Variants in RARB observed in about 807,000 individuals in gnomAD.
RARB encodes the protein retinoic acid receptor beta.
Under a neutral mutation model 51.9 loss-of-function variants are expected in RARB, and 17 were observed. The observed-to-expected ratio is 0.33, with a 90% CI of 0.22 to 0.49. The LOEUF (loss-of-function observed/expected upper bound fraction) is 0.49. Among genes scored for constraint, RARB ranks in the 20% least tolerant of loss-of-function variants. The pLI, the probability that RARB is intolerant of heterozygous loss-of-function variation, is 0.99. For missense variants in RARB, 369 were observed against 550.8 expected (o/e 0.67, Z 3.30); for synonymous variants, 215 against 195.4 (o/e 1.10, Z -0.84).
intron 2 of RARB, among the ~76,000 whole-genome samples, chr3:24,899,417 T>C (rs934997515): frequency 6.6e-6 from 1 of 152,186 alleles, no homozygotes; most frequent in African/African-American, 2.4e-5. Context: ...TTCAGAAATG[T>C]ACCAGGCTGT....
chr3:24,848,281 G>C (rs1434395303), intron 1 of RARB, among the ~76,000 whole-genome samples: 2 of 152,142 alleles, frequency 1.3e-5, no homozygotes, highest in African/African-American at 4.8e-5. Flanking sequence ...GACTAGTCTT[G>C]AATTCCTGGG....
intron 3 of RARB, among the ~76,000 whole-genome samples, chr3:25,553,425 G>A (rs1489607540): frequency 6.6e-6 from 1 of 152,138 alleles, no homozygotes; most frequent in African/African-American, 2.4e-5. Flanking sequence ...CCAGCTATTT[G>A]TGAGGATCCC....
intron 1 of RARB, among the ~76,000 whole-genome samples, chr3:24,835,134 A>T (rs1339672031): frequency 6.6e-6 from 1 of 152,182 alleles, no homozygotes; most frequent in Non-Finnish European, 1.5e-5. Context: ...TATCGGATTT[A>T]ATCTACAGCA....
intron 2 of RARB, among the ~76,000 whole-genome samples, chr3:24,878,620 C>T (rs1277225026): frequency 6.6e-6 from 1 of 152,138 alleles, no homozygotes; most frequent in Non-Finnish European, 1.5e-5. Flanking sequence ...TTTTTAGCAG[C>T]ATCCTTGGCC....
chr3:25,020,957 A>C (rs549805830), intron 2 of RARB, among the ~76,000 whole-genome samples: 1 of 152,304 alleles, frequency 6.6e-6, no homozygotes, highest in African/African-American at 2.4e-5. Context: ...AACGGAGTGA[A>C]ACACCGTCTC....
At chr3:25,150,873 A>T (rs967379348) in intron 4 of RARB, among the ~76,000 whole-genome samples, 1 of 152,204 alleles carries the variant, frequency 6.6e-6, no homozygotes, top group South Asian at 2.1e-4. Context: ...AACGGTGTGC[A>T]TGGGAATAGT....
chr3:24,940,929 TAGTC>T (rs1695652479), intron 2 of RARB, among the ~76,000 whole-genome samples: 1 of 152,162 alleles, frequency 6.6e-6, no homozygotes, highest in African/African-American at 2.4e-5. Context: ...CAGGGAGAGA[TAGTC>T]AGTGAGGTAA....
At chr3:24,959,668 T>C (rs1247003937) in intron 2 of RARB, among the ~76,000 whole-genome samples, 1 of 152,204 alleles carries the variant, frequency 6.6e-6, no homozygotes, top group Non-Finnish European at 1.5e-5. Context: ...CTCTGCCTCC[T>C]GGCCCTATCA....
chr3:25,207,905 G>C lies in RARB; in HGVS notation c.178+33330G>C, dbSNP rs1023127074. 8.5e-5 allele frequency among the ~76,000 whole-genome samples: 13 copies of C among 152,250 alleles called. No homozygotes were observed. The South Asian group carries it at 1.0e-3, about 12-fold the overall frequency. On this transcript the variant is annotated intron_variant, in intron 5 of 11. Coordinates refer to the RARB transcript ENST00000383772. ...AGTTCCAGTCCTGTAGGTTGTACAA[G>C]CGTGGTGCTGGCATCTGCTTGGGTT...
At chr3:24,899,699 A>G (rs1468477723) in intron 2 of RARB, among the ~76,000 whole-genome samples, 1 of 152,214 alleles carries the variant, frequency 6.6e-6, no homozygotes, top group Non-Finnish European at 1.5e-5. Flanking sequence ...CCTTCAATGA[A>G]AGTGAAATTA....
chr3:25,467,697 A>G (rs1695498318), intron 2 of RARB, among the ~76,000 whole-genome samples: 1 of 152,206 alleles, frequency 6.6e-6, no homozygotes, highest in Admixed American at 6.5e-5. Flanking sequence ...CAAAAGGGAG[A>G]GCCTACCAGA....
intron 2 of RARB, among the ~76,000 whole-genome samples, chr3:24,988,726 C>A (rs868532230): frequency 1.3e-5 from 2 of 152,164 alleles, no homozygotes; most frequent in African/African-American, 4.8e-5. Flanking sequence ...AGACATAGGT[C>A]TAATTCATCA....
intron 2 of RARB, among the ~76,000 whole-genome samples, chr3:24,977,414 G>A (rs958040925): frequency 6.6e-6 from 1 of 152,172 alleles, no homozygotes; most frequent in Non-Finnish European, 1.5e-5. Context: ...TCTTCCATTT[G>A]TTTGTGTCCT....
intron 4 of RARB, among the ~76,000 whole-genome samples, chr3:25,147,039 T>G (rs1700205003): frequency 6.6e-6 from 1 of 152,108 alleles, no homozygotes; most frequent in African/African-American, 2.4e-5. Context: ...TGGGTGTTAT[T>G]TATCCAAGCT....
In RARB at chr3:25,029,161, C is replaced by T. The variant is rs117867201; in HGVS notation, c.-379-30964C>T. Among the ~76,000 whole-genome samples the T allele has an allele frequency of 5.9e-4, 90 of 152,326 alleles. No individual in the cohort carries two copies. The East Asian group carries it at 0.014, about 23-fold the overall frequency. On this transcript the variant is annotated intron_variant, in intron 2 of 11. Transcript: ENST00000383772. Reference sequence around the variant, plus strand: ...CAGATGGCATTGGTTTGGGTACTGACAAGTTCTGCATTTTAGAGAGGGCAT... The same window carrying T: ...CAGATGGCATTGGTTTGGGTACTGATAAGTTCTGCATTTTAGAGAGGGCAT...
chr3:24,856,097 T>C (rs1031860895), intron 1 of RARB, among the ~76,000 whole-genome samples: 1 of 152,140 alleles, frequency 6.6e-6, no homozygotes, highest in African/African-American at 2.4e-5. Flanking sequence ...CTTGAATATA[T>C]ACAATATTTT....
chr3:25,159,092 G>C (rs73145366), intron 4 of RARB, among the ~76,000 whole-genome samples: 4 of 147,570 alleles, frequency 2.7e-5, no homozygotes, highest in Non-Finnish European at 6.0e-5. Context: ...TGAGAATATA[G>C]TAATGTCTCT....
At chr3:25,376,755 A>T (rs1706473139) in intron 5 of RARB, among the ~76,000 whole-genome samples, 1 of 152,224 alleles carries the variant, frequency 6.6e-6, no homozygotes, top group African/African-American at 2.4e-5. Context: ...CATTGCATCC[A>T]TGTGGATTCC....
intron 5 of RARB, among the ~76,000 whole-genome samples, chr3:25,340,789 T>C (rs1203694240): frequency 6.6e-6 from 1 of 152,188 alleles, no homozygotes; most frequent in Non-Finnish European, 1.5e-5. Flanking sequence ...AGGATCTCGC[T>C]TTGGAGAAGC....
Sources: allele counts gnomAD v4.1 joint callset (sites outside exome capture counted in the v4.1 genomes callset), GRCh38; gene constraint gnomAD v4.1.1; transcripts MANE v1.5; gene names NCBI Gene and HGNC (gene_info 2026-07-23, HGNC 2026-07-21).